The following DOP1A variants were observed in gnomAD, a reference collection of about 807,000 sequenced individuals.
The protein encoded by DOP1A is DOP1 leucine zipper like protein A, also known as protein DOP1A.
Under a neutral mutation model 267.6 loss-of-function variants are expected in DOP1A, and 90 were observed. The ratio of observed to expected loss-of-function variants is 0.34; its 90% CI spans 0.28 to 0.40. The LOEUF (loss-of-function observed/expected upper bound fraction) is 0.40. DOP1A is among the 10% of genes least tolerant of loss of function. DOP1A has a pLI of 1.00. For missense variants in DOP1A, 2,437 were observed against 2,900.4 expected, an observed-to-expected ratio of 0.84 and a Z score of 3.67; for synonymous variants, 932 against 999.1, an observed-to-expected ratio of 0.93 and a Z score of 1.27.
chr6:83,118,909 A>G lies in DOP1A; in HGVS notation c.802A>G (p.Arg268Gly), dbSNP rs1430773132. 2.5e-6 allele frequency: 4 copies of G among 1,613,648 alleles called. No individual in the cohort carries two copies. The South Asian group carries it at 4.4e-5, about 18-fold the overall frequency. ...MSQATRPDMIRILSAALHVVL... is the reference protein window; with the variant it reads ...MSQATRPDMIGILSAALHVVL... ...TCAGGCCACTCGACCGGATATGATC[A>G]GGATCTTGTCAGCAGCCCTTCATGT... Residue 268 changes from arginine to glycine, a missense_variant, in exon 8 of 39, where the codon AGG (arginine) becomes GGG (glycine). By Grantham distance (125) the Arg-to-Gly change is moderately radical. This residue lies in a region of DOP1A where 251 missense variants were observed against 359.1 expected (regional missense o/e 0.70). Coordinates refer to ENST00000349129, the MANE Select transcript of DOP1A (RefSeq NM_015018.4).
intron 38 of DOP1A, chr6:83,166,355 C>A: frequency 1.4e-6 from 1 of 697,082 alleles, no homozygotes. Flanking sequence ...ATCTTCAAGG[C>A]TCTAGTCTCC....
At chr6:83,089,619 G>T (rs1769968172) in intron 1 of DOP1A, among the ~76,000 whole-genome samples, 1 of 152,094 alleles carries the variant, frequency 6.6e-6, no homozygotes, top group African/African-American at 2.4e-5. Flanking sequence ...GATTACAAAT[G>T]CAACTTTGAT....
At chr6:83,096,256 AT>A (rs1020090099) in intron 1 of DOP1A, among the ~76,000 whole-genome samples, 1 of 150,416 alleles carries the variant, frequency 6.6e-6, no homozygotes, top group African/African-American at 2.5e-5. Flanking sequence ...GCTAATTTTT[AT>A]TTTTTTTAGA....
At position 83,137,397 on chromosome 6, in the gene DOP1A, G is replaced by C; in HGVS notation, c.3355G>C (p.Gly1119Arg). ...SDSGCSQSSA[G>R]DNLSYEVDPE... Reference sequence around the variant, plus strand: ...CTCGGGATGTTCACAGTCCTCTGCTGGGGACAACTTGAGTTACGAAGTTGA... The same window carrying C: ...CTCGGGATGTTCACAGTCCTCTGCTCGGGACAACTTGAGTTACGAAGTTGA... The change falls in exon 21 of 39, where the codon GGG becomes CGG. Residue 1119 changes from glycine (G) to arginine (R), a missense_variant. Gly to Arg is a moderately radical substitution (Grantham distance 125). Coordinates refer to ENST00000349129, the MANE Select transcript of DOP1A (RefSeq NM_015018.4). 1.2e-6 allele frequency: 2 copies of C among 1,613,782 alleles called. No individual in the cohort carries two copies. Among genetic ancestry groups the C allele is most frequent in the Non-Finnish European group, 1.7e-6 (2 of 1,179,846 alleles).
intron 23 of DOP1A, among the ~76,000 whole-genome samples, chr6:83,141,105 TTTAAA>T (rs1562354074): frequency 2.0e-5 from 3 of 152,304 alleles, no homozygotes; most frequent in Non-Finnish European, 4.4e-5. Flanking sequence ...TTAGGGAATG[TTTAAA>T]TTATCCTTTC....
Position 83,155,976 on chromosome 6 carries a change from T to A in DOP1A, c.6477T>A (p.Ser2159Arg). Reference protein sequence around the residue: ...LMTRVAVAQSSSLNLFANRDV... With the variant: ...LMTRVAVAQSRSLNLFANRDV... ...CTCGTGTAGCAGTGGCTCAAAGCAG[T>A]TCACTTAATCTCTTTGCAAACCGTG... is the stretch of plus-strand genomic sequence containing the variant. The change falls in exon 34 of 39, where the codon AGT becomes AGA. Residue 2159 changes from serine to arginine, a missense_variant. Around this residue, in one of 9 missense-constraint regions of DOP1A, gnomAD observed 75 missense variants for 149.6 expected, o/e 0.50. Coordinates refer to ENST00000349129, the MANE Select transcript of DOP1A (RefSeq NM_015018.4). 13 of 1,613,754 alleles carry A rather than the reference T, an allele frequency of 8.1e-6. No individual in the cohort carries two copies. Among genetic ancestry groups the A allele is most frequent in the Non-Finnish European group, 1.0e-5 (12 of 1,179,894 alleles).
chr6:83,147,329 C>A, intron 26 of DOP1A, 38 bp downstream of exon 26: 3 of 1,129,588 alleles, frequency 2.7e-6, no homozygotes, highest in Non-Finnish European at 2.5e-6. Context: ...TACTATGTTG[C>A]TAGAAACAGA....
chr6:83,127,886 A>G (rs1490691563), intron 15 of DOP1A, among the ~76,000 whole-genome samples: 1 of 152,176 alleles, frequency 6.6e-6, no homozygotes, highest in African/African-American at 2.4e-5. Context: ...CTGTCTCTCA[A>G]TTATACACAT....
Position 83,125,751 on chromosome 6 carries a change from T to C in DOP1A, c.1719+18T>C, listed in dbSNP as rs536646135. ...ACAAAAAGGTAATTTTAACTATTAT[T>C]TTTGGTATTAGACTGTTCATATTTC... On this transcript the variant is annotated intron_variant, in intron 15 of 38. Coordinates refer to ENST00000349129, the MANE Select transcript of DOP1A (RefSeq NM_015018.4). The C allele has an allele frequency of 8.2e-6, 13 of 1,593,496 alleles. No individual in the cohort carries two copies. The highest frequency in any genetic ancestry group is 1.1e-5 in the Non-Finnish European group (13 of 1,163,464).
chr6:83,094,061 A>G (rs1005134850), intron 1 of DOP1A, among the ~76,000 whole-genome samples: 1 of 152,118 alleles, frequency 6.6e-6, no homozygotes, highest in African/African-American at 2.4e-5. Context: ...TCCATTTCCC[A>G]CCAATTCCTC....
At position 83,125,206 on chromosome 6, in the gene DOP1A, C is replaced by T. The variant is rs1158428603; in HGVS notation, c.1485+11C>T. 2 of 1,563,686 alleles carry T rather than the reference C, an allele frequency of 1.3e-6. No individual in the cohort carries two copies. The highest frequency in any genetic ancestry group is 1.7e-6 in the Non-Finnish European group (2 of 1,163,824). On this transcript the variant is annotated intron_variant, in intron 14 of 38. Coordinates refer to ENST00000349129, the MANE Select transcript of DOP1A (RefSeq NM_015018.4). The stretch of plus-strand genomic sequence containing the variant: ...AGGGTGCTGTGTCAGGTATGACATT[C>T]AGCCTGTTTTGTTTTTAAATGATTC...
chr6:83,168,351 G>A lies in DOP1A; in HGVS notation c.*184G>A. On this transcript the variant is annotated 3_prime_UTR_variant, in exon 39 of 39. Transcript: ENST00000349129. ...GTGGCCTGAATCAAGTTTAAATATT[G>A]TTGGCTCATACTGATTATGGTGCCT... 1 of 1,403,780 alleles carries A rather than the reference G, an allele frequency of 7.1e-7. No homozygotes were observed. Among genetic ancestry groups the A allele is most frequent in the Non-Finnish European group, 9.2e-7 (1 of 1,083,756 alleles). 87.0% of individuals were successfully genotyped at this position (1,403,780 alleles called of 1,614,324 possible).
chr6:83,166,181 TATTG>T (rs1224742784), intron 38 of DOP1A: 1 of 507,090 alleles, frequency 2.0e-6, no homozygotes, highest in Non-Finnish European at 3.5e-6. Context: ...GGCACCCATT[TATTG>T]AGCTTTTTCA....
In DOP1A at chr6:83,125,322, A is replaced by G. The variant is rs553643672; in HGVS notation, c.1485+127A>G. 26 of 1,145,100 alleles carry G rather than the reference A, an allele frequency of 2.3e-5. No individual in the cohort carries two copies. The South Asian group carries it at 4.2e-4, about 19-fold the overall frequency. 70.9% of individuals were successfully genotyped at this position (1,145,100 alleles called of 1,614,324 possible). ...TATGCTTTGAAGTATTTAAATTGAG[A>G]ATTTGGGAATAGAAATTTTATAAGG... On this transcript the variant is annotated intron_variant, in intron 14 of 38. Coordinates refer to ENST00000349129, the MANE Select transcript of DOP1A (RefSeq NM_015018.4).
chr6:83,164,701 G>A (rs776210594), intron 38 of DOP1A: 4 of 1,591,186 alleles, frequency 2.5e-6, no homozygotes, highest in Non-Finnish European at 1.7e-6. Context: ...TGGAGGGATT[G>A]GAGATGGCCA....
intron 23 of DOP1A, among the ~76,000 whole-genome samples, chr6:83,141,280 A>T (rs964615894): frequency 1.3e-5 from 2 of 149,084 alleles, no homozygotes; most frequent in South Asian, 4.1e-4. Flanking sequence ...AGGAATAAAG[A>T]AAGTTTGCAT....
chr6:83,118,774 A>G (rs986984940), intron 7 of DOP1A, 114 bp from the exon 8 acceptor site: 19 of 701,878 alleles, frequency 2.7e-5, no homozygotes, highest in Non-Finnish European at 3.5e-5. Flanking sequence ...ATAATCCATG[A>G]AAGTACTCCA....
At chr6:83,157,032 G>T in intron 34 of DOP1A, 150 bp from the exon 35 acceptor site, 1 of 660,912 alleles carries the variant, frequency 1.5e-6, no homozygotes, top group South Asian at 2.5e-5. Flanking sequence ...TCTCTTATTC[G>T]TTGTTTTATG....
At chr6:83,122,769 C>T (rs966343580) in intron 11 of DOP1A, 94 bp from the exon 12 acceptor site, 24 of 902,448 alleles carry the variant, frequency 2.7e-5, no homozygotes, top group African/African-American at 2.5e-4. Flanking sequence ...CTAGCAACTA[C>T]CTAGGAATAT....
Sources: allele counts gnomAD v4.1 joint callset (sites outside exome capture counted in the v4.1 genomes callset), GRCh38; gene constraint gnomAD v4.1.1; regional missense constraint gnomAD v4.1.1; transcripts MANE v1.5; gene names NCBI Gene and HGNC (gene_info 2026-07-23, HGNC 2026-07-21).